LINGO2: variants seen among roughly 807,000 people sequenced by gnomAD.
LINGO2 encodes leucine-rich repeat and immunoglobulin-like domain-containing nogo receptor-interacting protein 2.
A neutral mutation model predicts 30.6 loss-of-function variants in LINGO2; 14 were observed. The observed-to-expected ratio is 0.46, with a 90% CI of 0.30 to 0.72. The LOEUF is 0.72. LINGO2 is among the 30% of genes least tolerant of loss of function. The probability of loss-of-function intolerance (pLI) is 0.07; values close to 1 mark genes in which losing one functional copy is unlikely to be tolerated. For synonymous variants in LINGO2, 317 were observed against 288.5 expected (o/e 1.10, Z -1.00); for missense variants, 729 against 751.7 (o/e 0.97, Z 0.35).
chr9:28,848,359 TATA>T, the LINGO2 span, among the ~76,000 whole-genome samples: 4 of 97,084 alleles, frequency 4.1e-5, no homozygotes, highest in Admixed American at 1.3e-4. Flanking sequence ...TATATACACA[TATA>T]TTGTGTGTGT....
chr9:28,934,707 A>G, the LINGO2 span, among the ~76,000 whole-genome samples: 1 of 67,436 alleles, frequency 1.5e-5, no homozygotes, highest in Non-Finnish European at 3.7e-5. Flanking sequence ...CAATAAAACA[A>G]CGAAAGTAAG....
chr9:28,052,779 T>C (rs1587774793), intron 4 of LINGO2, among the ~76,000 whole-genome samples: 1 of 152,190 alleles, frequency 6.6e-6, no homozygotes, highest in East Asian at 1.9e-4. Flanking sequence ...AGAAGAGACA[T>C]CTTAGTTCTC....
the LINGO2 span, among the ~76,000 whole-genome samples, chr9:28,868,186 A>C: frequency 6.6e-6 from 1 of 152,102 alleles, no homozygotes; most frequent in Admixed American, 6.6e-5. Flanking sequence ...TCAGAAGTAT[A>C]CTATGACTTA....
chr9:28,219,164 A>C (rs1820872542), intron 4 of LINGO2, among the ~76,000 whole-genome samples: 1 of 152,124 alleles, frequency 6.6e-6, no homozygotes, highest in South Asian at 2.1e-4. Context: ...TTGCCTGACA[A>C]TTCTCTAAAT....
rs1354518486 is a variant in LINGO2 at position 27,986,843 on chromosome 9, G to A, written c.-36+25512C>T. On this transcript the variant is annotated intron_variant, in intron 5 of 5. Coordinates refer to ENST00000379992, the Ensembl canonical transcript of LINGO2. ...GGAGAAGGGTGGGTTATACAGAAAG[G>A]AGAAAGTACATGGTATCTTTTTGGG... Among the ~76,000 whole-genome samples the A allele has an allele frequency of 2.0e-5, 3 of 152,022 alleles. No homozygotes were observed. The East Asian group carries it at 5.8e-4, about 30-fold the overall frequency.
intron 4 of LINGO2, among the ~76,000 whole-genome samples, chr9:28,236,133 G>T: frequency 6.6e-6 from 1 of 152,142 alleles, no homozygotes; most frequent in East Asian, 1.9e-4. Flanking sequence ...ACATCTGGCA[G>T]CTGACGTTTC....
chr9:29,192,326 T>A, the LINGO2 span, among the ~76,000 whole-genome samples: 1 of 152,340 alleles, frequency 6.6e-6, no homozygotes, highest in Non-Finnish European at 1.5e-5. Flanking sequence ...GAAGATAACT[T>A]GTAACATACA....
chr9:28,646,120 T>C (rs1322398657), intron 1 of LINGO2, among the ~76,000 whole-genome samples: 1 of 152,122 alleles, frequency 6.6e-6, no homozygotes, highest in Non-Finnish European at 1.5e-5. Flanking sequence ...TTCTTAGTTA[T>C]TAGTGTTTTT....
At chr9:28,804,449 C>T in the LINGO2 span, among the ~76,000 whole-genome samples, 2 of 152,018 alleles carry the variant, frequency 1.3e-5, no homozygotes, top group East Asian at 1.9e-4. Flanking sequence ...CCATCTTCTC[C>T]CTTAATATTT....
chr9:28,932,561 T>G, the LINGO2 span, among the ~76,000 whole-genome samples: 1 of 152,186 alleles, frequency 6.6e-6, no homozygotes, highest in African/African-American at 2.4e-5. Flanking sequence ...TAGGCACTTT[T>G]AAATCTTTAC....
At chr9:28,675,067 C>G (rs957544533), upstream of LINGO2, among the ~76,000 whole-genome samples, 3 of 152,086 alleles carry the variant, frequency 2.0e-5, no homozygotes, top group East Asian at 1.9e-4. Flanking sequence ...AGAAATAAAA[C>G]GCCTACTATG....
chr9:28,879,781 T>C, the LINGO2 span, among the ~76,000 whole-genome samples: 1 of 151,964 alleles, frequency 6.6e-6, no homozygotes, highest in African/African-American at 2.4e-5. Context: ...TAAAGTATTG[T>C]TGGACTTGGG....
chr9:28,882,342 G>A, the LINGO2 span, among the ~76,000 whole-genome samples: 8 of 152,136 alleles, frequency 5.3e-5, no homozygotes, highest in East Asian at 1.9e-4. Context: ...TATGCAATCT[G>A]GGGTTAGACA....
chr9:28,832,980 A>T, the LINGO2 span, among the ~76,000 whole-genome samples: 2 of 1,350 alleles, frequency 1.5e-3, no homozygotes, highest in East Asian at 0.5. Flanking sequence ...TTTTGATGTA[A>T]AAAAAAAAAT....
chr9:28,630,131 C>T (rs954332154), intron 1 of LINGO2, among the ~76,000 whole-genome samples: 9 of 152,054 alleles, frequency 5.9e-5, no homozygotes, highest in African/African-American at 2.2e-4. Context: ...TTAGTGGGTG[C>T]AGTGCACCAG....
rs371986332 is a variant in LINGO2, at chr9:28,502,336, C to T, written c.-364-26311G>A. On this transcript the variant is annotated intron_variant, in intron 1 of 5. Coordinates refer to ENST00000379992, the Ensembl canonical transcript of LINGO2. The stretch of plus-strand genomic sequence containing the variant: ...AATATCAATATTTCCAGTATTTCAG[C>T]TTGACTTCTCTCTTGTCTGCCCAAA... 3.3e-5 allele frequency among the ~76,000 whole-genome samples: 5 copies of T among 152,028 alleles called. No individual in the cohort carries two copies. The East Asian group carries it at 9.6e-4, about 29-fold the overall frequency.
Position 28,451,749 on chromosome 9 carries a change from C to T in LINGO2, c.-279+24191G>A, listed in dbSNP as rs1027008242. 2.6e-5 allele frequency among the ~76,000 whole-genome samples: 4 copies of T among 151,562 alleles called. No homozygotes were observed. In the East Asian group the frequency reaches 7.7e-4, roughly 29 times the overall value. ...CTGTATGAATATTTTGGTGTTATATCTGATATTATAAAGGGATTTAGCTAC... is the reference window on the plus strand; with the variant it reads ...CTGTATGAATATTTTGGTGTTATATTTGATATTATAAAGGGATTTAGCTAC... On this transcript the variant is annotated intron_variant, in intron 2 of 5. Transcript: ENST00000379992.
At chr9:28,633,024 GA>G (rs1827074946) in intron 1 of LINGO2, among the ~76,000 whole-genome samples, 1 of 151,152 alleles carries the variant, frequency 6.6e-6, no homozygotes, top group African/African-American at 2.4e-5. Flanking sequence ...CAAAACTGAA[GA>G]ATGTGGAGTC....
At chr9:29,087,075 C>A in the LINGO2 span, among the ~76,000 whole-genome samples, 4 of 152,114 alleles carry the variant, frequency 2.6e-5, no homozygotes, top group Non-Finnish European at 5.9e-5. Flanking sequence ...CGGGGTTTCA[C>A]CATGTTGGCC....
Sources: allele counts gnomAD v4.1 joint callset (sites outside exome capture counted in the v4.1 genomes callset), GRCh38; gene constraint gnomAD v4.1.1; transcripts MANE v1.5; gene names NCBI Gene and HGNC (gene_info 2026-07-23, HGNC 2026-07-21).